The following GBE1 variants were observed in gnomAD, a reference collection of about 807,000 sequenced individuals.
GBE1 encodes the protein 1,4-alpha-glucan-branching enzyme.
GBE1 carries 70 observed loss-of-function variants against 88.8 expected under a neutral mutation model. The observed-to-expected ratio is 0.79, with a 90% confidence interval of 0.65 to 0.96. The LOEUF is 0.96. Among genes scored for constraint, GBE1 ranks in the 40% least tolerant of loss-of-function variants. GBE1 has a pLI of 0.00. For missense variants in GBE1, 872 were observed against 871.0 expected, an observed-to-expected ratio of 1.00 and a Z score of -0.01; for synonymous variants, 284 against 300.1, an observed-to-expected ratio of 0.95 and a Z score of 0.56.
chr3:81,728,199 C>T (rs1487917138), intron 1 of GBE1, among the ~76,000 whole-genome samples: 1 of 152,064 alleles, frequency 6.6e-6, no homozygotes, highest in African/African-American at 2.4e-5. Flanking sequence ...GAGCAAGAAT[C>T]TGCCTCATAT....
intron 1 of GBE1, among the ~76,000 whole-genome samples, chr3:81,735,165 G>A (rs541605276): frequency 2.6e-5 from 4 of 152,260 alleles, no homozygotes; most frequent in African/African-American, 9.6e-5. Context: ...AATGTATACT[G>A]ATACTACATT....
At chr3:81,643,097 C>G in intron 6 of GBE1, 107 bp from the exon 7 acceptor site, 1 of 744,736 alleles carries the variant, frequency 1.3e-6, no homozygotes, top group East Asian at 2.7e-5. Flanking sequence ...TTTAAATATC[C>G]AAACAGCATG....
intron 7 of GBE1, among the ~76,000 whole-genome samples, chr3:81,641,955 GTATATGTATTATAAA>G (rs1252590583): frequency 6.7e-6 from 1 of 149,070 alleles, no homozygotes; most frequent in Non-Finnish European, 1.5e-5. Flanking sequence ...TTTCAAATAT[GTATATGTATTATAAA>G]AATATGTATT....
chr3:81,727,133 T>C (rs1360487830), intron 1 of GBE1, among the ~76,000 whole-genome samples: 1 of 152,230 alleles, frequency 6.6e-6, no homozygotes, highest in Non-Finnish European at 1.5e-5. Flanking sequence ...GGATACTTGA[T>C]ATTCCTTCAT....
chr3:81,651,468 C>A (rs1029559379), intron 3 of GBE1, among the ~76,000 whole-genome samples: 1 of 152,120 alleles, frequency 6.6e-6, no homozygotes, highest in Non-Finnish European at 1.5e-5. Flanking sequence ...ATGCCTCCCA[C>A]CTATTAAAGC....
At chr3:81,527,461 A>C (rs368874319) in intron 14 of GBE1, among the ~76,000 whole-genome samples, 49 of 152,318 alleles carry the variant, frequency 3.2e-4, no homozygotes, top group South Asian at 1.7e-3. Flanking sequence ...AAATTTTTGC[A>C]ATCTATTCAT....
intron 2 of GBE1, among the ~76,000 whole-genome samples, chr3:81,671,611 T>C (rs1444294139): frequency 8.5e-5 from 13 of 152,068 alleles, no homozygotes; most frequent in Admixed American, 6.6e-4. Flanking sequence ...TTGGTTATCC[T>C]TATGAAAATA....
Position 81,750,630 on chromosome 3 carries a change from CGTATATATATATATGTATATATATATAT to C in GBE1, c.143+10717_143+10744del, listed in dbSNP as rs1559708780. The stretch of plus-strand genomic sequence containing the variant: ...ATATATATATATGTATATATATATA[CGTATATATATATATGTATATATATATAT>C]GTATATATATATATACGTATATATA... On this transcript the variant is annotated intron_variant, in intron 1 of 15. Coordinates refer to ENST00000429644, the MANE Select transcript of GBE1 (RefSeq NM_000158.4). Among the ~76,000 whole-genome samples, 23 of 23,354 alleles carry C rather than the reference CGTATATATATATATGTATATATATATAT, an allele frequency of 9.8e-4. 2 individuals are homozygous for C. Among genetic ancestry groups the C allele is most frequent in the Non-Finnish European group, 1.3e-3 (19 of 14,108 alleles). The allele number at this position is 23,354 out of a possible 152,430, so 15.3% of individuals were successfully genotyped here.
chr3:81,720,463 T>A (rs1189522382), intron 1 of GBE1, among the ~76,000 whole-genome samples: 1 of 151,514 alleles, frequency 6.6e-6, no homozygotes, highest in Non-Finnish European at 1.5e-5. Flanking sequence ...ACAGGTACAG[T>A]TTGGCAAGTA....
chr3:81,543,979 T>C (rs899887837), intron 12 of GBE1, among the ~76,000 whole-genome samples: 2 of 152,186 alleles, frequency 1.3e-5, no homozygotes, highest in African/African-American at 4.8e-5. Flanking sequence ...CATGCATTTC[T>C]AATGATTTTC....
chr3:81,694,952 A>G (rs1184114095), intron 2 of GBE1, among the ~76,000 whole-genome samples: 2 of 152,206 alleles, frequency 1.3e-5, no homozygotes, highest in Non-Finnish European at 2.9e-5. Context: ...ATGACAGTTC[A>G]CAGTCGCCAA....
chr3:81,547,892 G>A (rs1703229197), intron 12 of GBE1, among the ~76,000 whole-genome samples: 1 of 151,344 alleles, frequency 6.6e-6, no homozygotes, highest in Non-Finnish European at 1.5e-5. Context: ...AAATGGCCCA[G>A]AAAACTGGTC....
chr3:81,738,986 G>A (rs1706312220), intron 1 of GBE1, among the ~76,000 whole-genome samples: 1 of 152,138 alleles, frequency 6.6e-6, no homozygotes. Flanking sequence ...TGCCTGGTGA[G>A]GGATCTCTCA....
At chr3:81,641,310 A>T (rs1482461118) in intron 7 of GBE1, among the ~76,000 whole-genome samples, 1 of 152,148 alleles carries the variant, frequency 6.6e-6, no homozygotes. Flanking sequence ...TTCTACTTCT[A>T]TAAGATGTAC....
intron 12 of GBE1, 74 bp from the exon 13 acceptor site, chr3:81,537,169 T>C (rs751551294): frequency 1.0e-5 from 10 of 954,998 alleles, no homozygotes; most frequent in Non-Finnish European, 1.4e-5. Context: ...TCAATAATTA[T>C]ATGTTTTTAA....
chr3:81,563,897 C>T (rs925631834), intron 12 of GBE1, among the ~76,000 whole-genome samples: 5 of 116,736 alleles, frequency 4.3e-5, no homozygotes, highest in Admixed American at 9.5e-5. Context: ...GAGGGAGAGA[C>T]GGAGAAAGGG....
At chr3:81,687,585 T>G (rs1413965436) in intron 2 of GBE1, among the ~76,000 whole-genome samples, 1 of 152,102 alleles carries the variant, frequency 6.6e-6, no homozygotes, top group Non-Finnish European at 1.5e-5. Flanking sequence ...CCATGGAGAA[T>G]GTAAGAAAGA....
intron 1 of GBE1, among the ~76,000 whole-genome samples, chr3:81,748,427 C>A (rs1706447918): frequency 6.6e-6 from 1 of 151,102 alleles, no homozygotes; most frequent in Non-Finnish European, 1.5e-5. Flanking sequence ...CTGGCTAACA[C>A]TGTGAAACCC....
chr3:81,558,360 C>T (rs1703375518), intron 12 of GBE1, among the ~76,000 whole-genome samples: 1 of 151,872 alleles, frequency 6.6e-6, no homozygotes, highest in South Asian at 2.1e-4. Flanking sequence ...TATTTAATTA[C>T]AATTTAAAAA....
Sources: allele counts gnomAD v4.1 joint callset (sites outside exome capture counted in the v4.1 genomes callset), GRCh38; gene constraint gnomAD v4.1.1; transcripts MANE v1.5; gene names NCBI Gene and HGNC (gene_info 2026-07-23, HGNC 2026-07-21).